The following C17orf114 variants were observed in gnomAD, a reference collection of about 807,000 sequenced individuals.
C17orf114 encodes chromosome 17 open reading frame 114.
At chr17:4,803,591 AT>A, upstream of C17orf114, among the ~76,000 whole-genome samples, 1 of 149,328 alleles carries the variant, frequency 6.7e-6, no homozygotes, top group East Asian at 2.0e-4. Flanking sequence ...CACCCGGCTA[AT>A]TTTTTTTGTA....
upstream of C17orf114, among the ~76,000 whole-genome samples, chr17:4,804,079 A>G (rs1489469820): frequency 1.3e-5 from 2 of 152,200 alleles, no homozygotes; most frequent in Non-Finnish European, 2.9e-5. Context: ...CCAAGCAAGC[A>G]TCGATGCCCT....
At chr17:4,803,179 A>T (rs745842232), upstream of C17orf114, among the ~76,000 whole-genome samples, 1 of 152,008 alleles carries the variant, frequency 6.6e-6, no homozygotes, top group East Asian at 1.9e-4. Flanking sequence ...TTGTCCTCCC[A>T]AAGTGCTGGG....
At chr17:4,805,604 G>C (rs1229818303), upstream of C17orf114, among the ~76,000 whole-genome samples, 3 of 151,662 alleles carry the variant, frequency 2.0e-5, no homozygotes, top group African/African-American at 4.8e-5. Context: ...AACCTGGAAG[G>C]GGGAGGTTGC....
At chr17:4,805,462 C>G (rs927331125), upstream of C17orf114, among the ~76,000 whole-genome samples, 1 of 151,562 alleles carries the variant, frequency 6.6e-6, no homozygotes. Flanking sequence ...CGGTGGCTCA[C>G]GCCTGTAATC....
upstream of C17orf114, among the ~76,000 whole-genome samples, chr17:4,802,970 T>A (rs1014862382): frequency 3.9e-5 from 6 of 151,990 alleles, no homozygotes; most frequent in African/African-American, 1.5e-4. Flanking sequence ...CAGGGTGGAG[T>A]GCAGTGGCGC....
At chr17:4,804,711 G>A (rs568753309), upstream of C17orf114, among the ~76,000 whole-genome samples, 17 of 149,374 alleles carry the variant, frequency 1.1e-4, no homozygotes, top group South Asian at 3.4e-3. Context: ...TGATTCTCCT[G>A]CCTCAGCCTC....
upstream of C17orf114, among the ~76,000 whole-genome samples, chr17:4,804,905 T>G (rs1905607266): frequency 1.3e-5 from 2 of 152,088 alleles, no homozygotes; most frequent in East Asian, 3.9e-4. Flanking sequence ...TCAATGAACT[T>G]TATTGAAGCA....
At chr17:4,801,833 T>C (rs947107150) in intron 1 of C17orf114, among the ~76,000 whole-genome samples, 4 of 151,598 alleles carry the variant, frequency 2.6e-5, no homozygotes, top group Non-Finnish European at 5.9e-5. Context: ...CGGGTTCAAG[T>C]GATTCTCCTG....
upstream of C17orf114, chr17:4,806,949 C>A (rs1190047819): frequency 6.7e-6 from 1 of 150,022 alleles, no homozygotes; most frequent in African/African-American, 2.4e-5. Flanking sequence ...GAGAGCTACG[C>A]GGCCCCGCGG....
upstream of C17orf114, among the ~76,000 whole-genome samples, chr17:4,805,390 C>G (rs1597314060): frequency 6.6e-6 from 1 of 150,440 alleles, no homozygotes. Context: ...CCATTGCACT[C>G]CAGCCTGGGC....
At chr17:4,802,872 A>G (rs1905545971), upstream of C17orf114, among the ~76,000 whole-genome samples, 1 of 152,150 alleles carries the variant, frequency 6.6e-6, no homozygotes. Context: ...TGTGTCAGGT[A>G]AATGCTAGAG....
upstream of C17orf114, among the ~76,000 whole-genome samples, chr17:4,805,797 A>G (rs1379399375): frequency 6.6e-6 from 1 of 151,608 alleles, no homozygotes; most frequent in African/African-American, 2.4e-5. Flanking sequence ...TAAAAATACA[A>G]AAAAAATTAG....
At chr17:4,802,753 T>G (rs2150662597), upstream of C17orf114, among the ~76,000 whole-genome samples, 1 of 152,306 alleles carries the variant, frequency 6.6e-6, no homozygotes, top group East Asian at 1.9e-4. Flanking sequence ...AATACTCTAT[T>G]TTTTTAGAAT....
chr17:4,802,430 G>A (rs1331301909), upstream of C17orf114: 8 of 396,606 alleles, frequency 2.0e-5, no homozygotes, highest in African/African-American at 8.2e-5. Context: ...GCCTCAGACC[G>A]CCTGGTGATT....
chr17:4,801,643 CAT>C (rs1319494830), intron 1 of C17orf114, among the ~76,000 whole-genome samples, 188 bp from the exon 2 acceptor site: 3 of 152,064 alleles, frequency 2.0e-5, no homozygotes, highest in Non-Finnish European at 4.4e-5. Context: ...GGCTCGCACA[CAT>C]GTGACCTGTG....
At chr17:4,805,500 G>A (rs561244287), upstream of C17orf114, among the ~76,000 whole-genome samples, 36 of 152,128 alleles carry the variant, frequency 2.4e-4, no homozygotes, top group Middle Eastern at 3.4e-3. Flanking sequence ...TGAGGAGGGC[G>A]GATCACTTGA....
upstream of C17orf114, among the ~76,000 whole-genome samples, chr17:4,805,644 A>G (rs1014752893): frequency 6.7e-6 from 1 of 150,280 alleles, no homozygotes; most frequent in Non-Finnish European, 1.5e-5. Flanking sequence ...ACTGCAGTCC[A>G]GCATGGGCAA....
upstream of C17orf114, among the ~76,000 whole-genome samples, chr17:4,805,622 C>G (rs756919392): frequency 6.6e-6 from 1 of 151,444 alleles, no homozygotes; most frequent in Non-Finnish European, 1.5e-5. Flanking sequence ...TGCAGTGAGC[C>G]GAGATCACGC....
intron 1 of C17orf114, among the ~76,000 whole-genome samples, chr17:4,801,659 T>C (rs1905510387): frequency 6.6e-6 from 1 of 151,766 alleles, no homozygotes; most frequent in African/African-American, 2.4e-5. Context: ...ACCTGTGCAG[T>C]TGCATAGGAT....
Sources: gnomAD v4.1 joint callset for allele counts (sites outside exome capture counted in the v4.1 genomes callset) on GRCh38, gnomAD v4.1.1 for gene constraint, MANE v1.5 for transcripts, NCBI Gene and HGNC (gene_info 2026-07-23, HGNC 2026-07-21) for gene names.